CTNS: variants seen among roughly 807,000 people sequenced by gnomAD.
CTNS encodes cystinosin, lysosomal cystine transporter.
Under a neutral mutation model 43.7 loss-of-function variants are expected in CTNS, and 27 were observed. The observed-to-expected ratio is 0.62, with a 90% CI of 0.46 to 0.85. CTNS has a LOEUF of 0.85. Ranked by LOEUF, CTNS falls within the 40% of genes least tolerant of loss-of-function variation. The pLI is 0.00. For missense variants in CTNS, 457 were observed against 475.4 expected (o/e 0.96, Z 0.36); for synonymous variants, 187 against 190.6 (o/e 0.98, Z 0.16).
intron 3 of CTNS, among the ~76,000 whole-genome samples, chr17:3,641,754 C>T (rs943858830): frequency 1.3e-5 from 2 of 152,090 alleles, no homozygotes; most frequent in African/African-American, 4.8e-5. Context: ...GCAGAGGTTT[C>T]CCCAGAGCCT....
chr17:3,646,370 C>A (rs1232241820), intron 3 of CTNS, among the ~76,000 whole-genome samples: 1 of 149,152 alleles, frequency 6.7e-6, no homozygotes, highest in East Asian at 2.0e-4. Context: ...CTCACTGCAA[C>A]CTCTGCCTTC....
chr17:3,639,997 C>T, intron 2 of CTNS, 191 bp from the exon 3 acceptor site: 1 of 562,246 alleles, frequency 1.8e-6, no homozygotes, highest in South Asian at 2.0e-5. Context: ...AGCCCGTTTC[C>T]CCTGTATATC....
Position 3,660,599 on chromosome 17 carries a change from C to T in CTNS, c.*230C>T, listed in dbSNP as rs1311234175. 6.2e-7 allele frequency: 1 copy of T among 1,613,388 alleles called. No homozygotes were observed. Among genetic ancestry groups the T allele is most frequent in the South Asian group, 1.1e-5 (1 of 91,088 alleles). On this transcript the variant is annotated 3_prime_UTR_variant, in exon 12 of 12. Coordinates refer to ENST00000046640, the MANE Select transcript of CTNS (RefSeq NM_004937.3). ...ACGTGGCACCGTCGCCTTGACACCG[C>T]CATCTCTTTTCTTTAAGGCTTCAGG...
At chr17:3,646,227 A>T (rs1054529446) in intron 3 of CTNS, among the ~76,000 whole-genome samples, 1 of 151,992 alleles carries the variant, frequency 6.6e-6, no homozygotes, top group Non-Finnish European at 1.5e-5. Flanking sequence ...TACAGGAAGC[A>T]CACAAAGAGA....
At chr17:3,651,339 C>T (rs757283154) in intron 5 of CTNS, among the ~76,000 whole-genome samples, 2 of 152,176 alleles carry the variant, frequency 1.3e-5, no homozygotes, top group Non-Finnish European at 2.9e-5. Context: ...AGGCGATCCG[C>T]CCACCTCGGC....
intron 10 of CTNS, 67 bp from the exon 11 acceptor site, chr17:3,659,791 C>A: frequency 8.7e-7 from 1 of 1,147,688 alleles, no homozygotes; most frequent in Non-Finnish European, 1.3e-6. Flanking sequence ...GGGGCAGTCA[C>A]GAGGCGCATG....
chr17:3,655,433 C>T (rs2076106020), intron 7 of CTNS, 81 bp downstream of exon 7: 1 of 1,581,016 alleles, frequency 6.3e-7, no homozygotes, highest in East Asian at 2.2e-5. Flanking sequence ...GATAGCGCAG[C>T]CTCCAACGTC....
intron 5 of CTNS, chr17:3,650,092 A>G: frequency 6.7e-7 from 1 of 1,488,478 alleles, no homozygotes; most frequent in Non-Finnish European, 9.0e-7. Context: ...TAGTCATTTC[A>G]CAATGTATGC....
At chr17:3,656,642 C>A in intron 8 of CTNS, 34 bp from the exon 9 acceptor site, 1 of 1,612,762 alleles carries the variant, frequency 6.2e-7, no homozygotes, top group Non-Finnish European at 8.5e-7. Flanking sequence ...CCCGGCTGCC[C>A]CTCACCACCC....
At chr17:3,650,155 C>A in intron 5 of CTNS, 1 of 1,549,360 alleles carries the variant, frequency 6.5e-7, no homozygotes, top group South Asian at 1.2e-5. Flanking sequence ...TTTTATTTGT[C>A]AATGATACCT....
At chr17:3,642,090 C>CGTGT (rs770884384) in intron 3 of CTNS, among the ~76,000 whole-genome samples, 2 of 125,870 alleles carry the variant, frequency 1.6e-5, no homozygotes, top group Admixed American at 7.6e-5. Flanking sequence ...TGTGCCTGGG[C>CGTGT]GTGTGTGTGT....
At chr17:3,647,591 T>G in intron 4 of CTNS, 69 bp downstream of exon 4, 1 of 1,331,342 alleles carries the variant, frequency 7.5e-7, no homozygotes, top group South Asian at 1.2e-5. Flanking sequence ...GGCTGACCCC[T>G]GGCTCAGTCT....
chr17:3,650,276 G>A, intron 5 of CTNS: 1 of 1,550,344 alleles, frequency 6.5e-7, no homozygotes. Flanking sequence ...GAAGCAAACA[G>A]GAGTGAAACA....
intron 5 of CTNS, among the ~76,000 whole-genome samples, chr17:3,652,693 G>A (rs1481679409): frequency 6.6e-6 from 1 of 152,260 alleles, no homozygotes; most frequent in East Asian, 1.9e-4. Context: ...TCAATCGACT[G>A]ATTTTCTCCC....
rs1231749963 is a variant in CTNS at position 3,638,157 on chromosome 17, T to A, written c.-20+841T>A. Among the ~76,000 whole-genome samples the A allele has an allele frequency of 2.0e-5, 3 of 152,122 alleles. No homozygotes were observed. The East Asian group carries it at 5.8e-4, about 29-fold the overall frequency. ...GAAGGGCACGCCAGACAGAGCCCAT[T>A]GTCAGGAGATACTTCATTTCTATCT... On this transcript the variant is annotated intron_variant, in intron 2 of 11. Transcript: ENST00000046640.
In CTNS at chr17:3,658,077, A is replaced by G. The variant is rs757019374; in HGVS notation, c.754A>G (p.Met252Val). 4 of 1,612,274 alleles carry G rather than the reference A, an allele frequency of 2.5e-6. No homozygotes were observed. Among genetic ancestry groups the G allele is most frequent in the Middle Eastern group, 2.1e-4 (1 of 4,792 alleles). Residue 252 changes from methionine (M) to valine (V), a missense_variant, in exon 10 of 12, where the codon ATG (methionine) becomes GTG (valine). Physicochemically the swap from Met to Val is conservative, Grantham distance 21. Transcript: ENST00000046640. ...CGCGTGGCTCTTCGCATTTGTCACC[A>G]TGATCGTGGCTGCAGTGGGAGTGAC... ...VLAWLFAFVT[M>V]IVAAVGVTTW...
chr17:3,654,171 G>A (rs760527784), intron 5 of CTNS, among the ~76,000 whole-genome samples: 15 of 152,190 alleles, frequency 9.9e-5, no homozygotes, highest in Non-Finnish European at 1.6e-4. Context: ...CAGGCTCTGT[G>A]CTGTCAGCTT....
chr17:3,660,979 C>A lies in CTNS; in HGVS notation c.*610C>A. On this transcript the variant is annotated 3_prime_UTR_variant, in exon 12 of 12. Coordinates refer to ENST00000046640, the MANE Select transcript of CTNS (RefSeq NM_004937.3). The stretch of plus-strand genomic sequence containing the variant: ...GTATTTCTGAGCCATGAGGGGCCCA[C>A]CAGATTGGTTCTGAATTGGATTCAT... 1.7e-6 allele frequency: 1 copy of A among 592,920 alleles called. No homozygotes were observed. The highest frequency in any genetic ancestry group is 2.0e-5 in the South Asian group (1 of 51,082). 36.7% of individuals were successfully genotyped at this position (592,920 alleles called of 1,614,324 possible).
At position 3,650,927 on chromosome 17, in the gene CTNS, C is replaced by G. The variant is rs967717021; in HGVS notation, c.225+1996C>G. On this transcript the variant is annotated intron_variant, in intron 5 of 11. Coordinates refer to ENST00000046640, the MANE Select transcript of CTNS (RefSeq NM_004937.3). Reference sequence around the variant, plus strand: ...AAGCGATTCTCCTGCCTCAGCCTCCCAAGTAGCTGGGATTATAGGCGCCCA... The same window carrying G: ...AAGCGATTCTCCTGCCTCAGCCTCCGAAGTAGCTGGGATTATAGGCGCCCA... Among the ~76,000 whole-genome samples the G allele has an allele frequency of 7.2e-5, 11 of 152,186 alleles. No individual in the cohort carries two copies. In the East Asian group the frequency reaches 2.1e-3, roughly 29 times the overall value.
Sources: gnomAD v4.1 joint callset for allele counts (sites outside exome capture counted in the v4.1 genomes callset) on GRCh38, gnomAD v4.1.1 for gene constraint, MANE v1.5 for transcripts, NCBI Gene and HGNC (gene_info 2026-07-23, HGNC 2026-07-21) for gene names.